The following CCDC186 variants were observed in gnomAD, a reference collection of about 807,000 sequenced individuals.
The protein encoded by CCDC186 is coiled-coil domain containing 186.
CCDC186 carries 49 observed loss-of-function variants against 113.7 expected under a neutral mutation model. That is an observed-to-expected ratio of 0.43 (90% CI 0.34 to 0.55). The LOEUF is 0.55. Among genes scored for constraint, CCDC186 ranks in the 20% least tolerant of loss-of-function variants. The probability of loss-of-function intolerance (pLI) is 0.02; values close to 1 mark genes in which losing one functional copy is unlikely to be tolerated. For missense variants in CCDC186, 890 were observed against 1,011.1 expected, an observed-to-expected ratio of 0.88 and a Z score of 1.62; for synonymous variants, 355 against 345.8, an observed-to-expected ratio of 1.03 and a Z score of -0.30.
intron 6 of CCDC186, among the ~76,000 whole-genome samples, chr10:114,139,562 CAAA>C (rs71007456): frequency 8.9e-6 from 1 of 112,120 alleles, no homozygotes; most frequent in African/African-American, 3.4e-5. Context: ...GACTCCATCT[CAAA>C]AAAAAAAAAG....
At chr10:114,144,755 A>G in intron 5 of CCDC186, 139 bp from the exon 6 acceptor site, 2 of 647,946 alleles carry the variant, frequency 3.1e-6, no homozygotes, top group Non-Finnish European at 4.8e-6. Context: ...TATAAAACTT[A>G]TTTAAAGTCC....
Position 114,129,878 on chromosome 10 carries a change from A to T in CCDC186, c.2182+13T>A. The T allele has an allele frequency of 6.2e-7, 1 of 1,608,974 alleles. No homozygotes were observed. Among genetic ancestry groups the T allele is most frequent in the Non-Finnish European group, 8.5e-7 (1 of 1,175,558 alleles). On this transcript the variant is annotated intron_variant, in intron 13 of 15. Coordinates refer to ENST00000369287, the MANE Select transcript of CCDC186 (RefSeq NM_018017.4). ...CAATCATGAAATAACAACTAGAGCCACTAGTTTTTTACCTGATGAACTAGA... is the reference window on the plus strand; with the variant it reads ...CAATCATGAAATAACAACTAGAGCCTCTAGTTTTTTACCTGATGAACTAGA...
At chr10:114,157,098 T>C (rs187631740) in intron 3 of CCDC186, among the ~76,000 whole-genome samples, 203 of 152,168 alleles carry the variant, frequency 1.3e-3, no homozygotes, top group Non-Finnish European at 2.1e-3. Context: ...TAAAGGAGAA[T>C]GGTTTAAATG....
chr10:114,160,321 T>G (rs2032135071), intron 2 of CCDC186, among the ~76,000 whole-genome samples: 1 of 151,552 alleles, frequency 6.6e-6, no homozygotes, highest in Admixed American at 6.6e-5. Flanking sequence ...ATTGATGTGT[T>G]CAAAAATCAA....
Position 114,136,141 on chromosome 10 carries a change from T to C in CCDC186, c.1425+7A>G, listed in dbSNP as rs890971592. 22 of 1,606,890 alleles carry C rather than the reference T, an allele frequency of 1.4e-5. No individual in the cohort carries two copies. The highest frequency in any genetic ancestry group is 1.7e-4 in the Middle Eastern group (1 of 6,048). On this transcript the variant is annotated splice_region_variant and intron_variant, in intron 8 of 15. Coordinates refer to ENST00000369287, the MANE Select transcript of CCDC186 (RefSeq NM_018017.4). The stretch of plus-strand genomic sequence containing the variant: ...ACTTAGGATATATAAAGAGCAAAAC[T>C]ACTCACCTCTAGCTGGTCAGATTTT...
chr10:114,129,597 T>C (rs559468949), intron 13 of CCDC186, among the ~76,000 whole-genome samples: 1 of 152,272 alleles, frequency 6.6e-6, no homozygotes, highest in East Asian at 1.9e-4. Flanking sequence ...AGTGCAGTGA[T>C]GCGATCTCAG....
At chr10:114,154,225 AAAG>A (rs1433619592) in intron 3 of CCDC186, among the ~76,000 whole-genome samples, 1 of 151,016 alleles carries the variant, frequency 6.6e-6, no homozygotes, top group East Asian at 1.9e-4. Context: ...AAAAAAAAAA[AAAG>A]AAAAGAAAAA....
At chr10:114,173,914 C>T (rs866822381) in intron 1 of CCDC186, 101 bp downstream of exon 1, 2 of 415,288 alleles carry the variant, frequency 4.8e-6, no homozygotes, top group Middle Eastern at 6.9e-4. Flanking sequence ...CTCGCCCTCG[C>T]CCCCGCCACG....
rs117547396 is a variant in CCDC186 at position 114,142,535 on chromosome 10, T to C, written c.1221+1962A>G. On this transcript the variant is annotated intron_variant, in intron 6 of 15. Coordinates refer to ENST00000369287, the MANE Select transcript of CCDC186 (RefSeq NM_018017.4). ...CTGGGGGAAATTCATCTTTATTTAC[T>C]GTACTCCAAATAAAAGGCTTCTGTT... Among the ~76,000 whole-genome samples, 68 of 152,378 alleles carry C rather than the reference T, an allele frequency of 4.5e-4. 4 individuals carry two copies. The East Asian group carries it at 0.012, about 27-fold the overall frequency.
At chr10:114,137,398 C>T (rs1407201256) in intron 6 of CCDC186, 108 bp from the exon 7 acceptor site, 5 of 653,238 alleles carry the variant, frequency 7.7e-6, no homozygotes, top group East Asian at 5.4e-5. Context: ...ACTGAGGGGC[C>T]GATTATTATT....
chr10:114,138,176 G>A (rs1422351121), intron 6 of CCDC186, among the ~76,000 whole-genome samples: 1 of 146,574 alleles, frequency 6.8e-6, no homozygotes, highest in Non-Finnish European at 1.5e-5. Flanking sequence ...GGAGGCAGCA[G>A]TTGCAGTGAG....
chr10:114,141,948 G>A (rs2031481776), intron 6 of CCDC186, among the ~76,000 whole-genome samples: 1 of 152,012 alleles, frequency 6.6e-6, no homozygotes, highest in Admixed American at 6.6e-5. Context: ...TTTGTCTTTT[G>A]TTTTTTAAGG....
chr10:114,130,126 A>T (rs1459730846), intron 12 of CCDC186, 155 bp from the exon 13 acceptor site: 3 of 523,278 alleles, frequency 5.7e-6, no homozygotes, highest in Non-Finnish European at 1.0e-5. Context: ...TCATTCATAT[A>T]AAATGTCATT....
At chr10:114,144,454 A>G (rs1188501561) in intron 6 of CCDC186, 43 bp downstream of exon 6, 3 of 1,561,776 alleles carry the variant, frequency 1.9e-6, no homozygotes, top group Non-Finnish European at 1.7e-6. Flanking sequence ...CAAAAACAAA[A>G]AAACTCATTC....
rs149307478 is a variant in CCDC186, at chr10:114,162,804, G to A, written c.465C>T (p.Ser155=). The change falls in exon 2 of 16, where the codon AGC becomes AGT. Residue 155 remains serine, a synonymous_variant. Coordinates refer to ENST00000369287, the MANE Select transcript of CCDC186 (RefSeq NM_018017.4). ...CTKKFISKIK[S]VSASEDLLEE... ...CCAACAAATCCTCTGATGCTGAAAC[G>A]CTCTTTATTTTTGAAATAAATTTCT... is the stretch of plus-strand genomic sequence containing the variant. 2.1e-4 allele frequency: 339 copies of A among 1,613,654 alleles called. 2 individuals are homozygous for A. The highest frequency in any genetic ancestry group is 1.8e-3 in the East Asian group (81 of 44,848).
intron 1 of CCDC186, among the ~76,000 whole-genome samples, chr10:114,165,117 C>T (rs535657994): frequency 1.3e-5 from 2 of 152,300 alleles, no homozygotes; most frequent in South Asian, 4.1e-4. Flanking sequence ...TTCTAGACTG[C>T]CCTCTGGGGC....
chr10:114,169,529 C>T (rs1483166398), intron 1 of CCDC186, among the ~76,000 whole-genome samples: 1 of 152,098 alleles, frequency 6.6e-6, no homozygotes, highest in African/African-American at 2.4e-5. Context: ...AGGCATGAGC[C>T]CCTGCGCCCA....
chr10:114,129,254 G>A (rs1256446639), intron 13 of CCDC186, among the ~76,000 whole-genome samples: 2 of 151,872 alleles, frequency 1.3e-5, no homozygotes, highest in Non-Finnish European at 2.9e-5. Context: ...GATTGAGGCT[G>A]CAGGGAGCCA....
In CCDC186 at chr10:114,142,558, G is replaced by A. The variant is rs111346875; in HGVS notation, c.1221+1939C>T. Among the ~76,000 whole-genome samples the A allele has an allele frequency of 1.4e-3, 209 of 152,320 alleles. 2 individuals carry two copies. The highest frequency in any genetic ancestry group is 4.7e-3 in the African/African-American group (195 of 41,582). ...ACTGTACTCCAAATAAAAGGCTTCT[G>A]TTTTTACAGGCTAGGTGTTTAAAAC... On this transcript the variant is annotated intron_variant, in intron 6 of 15. Coordinates refer to ENST00000369287, the MANE Select transcript of CCDC186 (RefSeq NM_018017.4).
Sources: allele counts gnomAD v4.1 joint callset (sites outside exome capture counted in the v4.1 genomes callset), GRCh38; gene constraint gnomAD v4.1.1; transcripts MANE v1.5; gene names NCBI Gene and HGNC (gene_info 2026-07-23, HGNC 2026-07-21).